BEAN1: variants seen among roughly 807,000 people sequenced by gnomAD.
The protein encoded by BEAN1 is protein BEAN1.
Under a neutral mutation model 17.7 loss-of-function variants are expected in BEAN1, and 17 were observed. The ratio of observed to expected loss-of-function variants is 0.96; its 90% CI spans 0.66 to 1.44. The LOEUF (loss-of-function observed/expected upper bound fraction) is 1.44, where lower values mean the gene tolerates loss of function less well. Ranked by LOEUF, BEAN1 falls within the 40% of genes most tolerant of loss-of-function variation. The probability of loss-of-function intolerance (pLI) is 0.00; values close to 1 mark genes in which losing one functional copy is unlikely to be tolerated. For synonymous variants in BEAN1, 142 were observed against 151.8 expected, an observed-to-expected ratio of 0.94 and a Z score of 0.47; for missense variants, 359 against 374.1, an observed-to-expected ratio of 0.96 and a Z score of 0.33.
intron 2 of BEAN1, among the ~76,000 whole-genome samples, chr16:66,446,364 G>T (rs1962456477): frequency 6.6e-6 from 1 of 152,142 alleles, no homozygotes; most frequent in Non-Finnish European, 1.5e-5. Context: ...GACAGCGTTT[G>T]GGGCTTGAAA....
At chr16:66,468,798 A>G (rs1179300715) in intron 2 of BEAN1, among the ~76,000 whole-genome samples, 1 of 152,088 alleles carries the variant, frequency 6.6e-6, no homozygotes, top group Non-Finnish European at 1.5e-5. Context: ...ACCCCTCCCC[A>G]GGACCCCAGC....
At chr16:66,438,646 G>A (rs1445126744) in intron 2 of BEAN1, among the ~76,000 whole-genome samples, 2 of 152,086 alleles carry the variant, frequency 1.3e-5, no homozygotes. Context: ...GAGTCCAAGT[G>A]ATGGAATCAG....
Position 66,477,886 on chromosome 16 carries a change from G to A in BEAN1, c.440+176G>A. 2 of 626,512 alleles carry A rather than the reference G, an allele frequency of 3.2e-6. 1 individual carries two copies. The highest frequency in any genetic ancestry group is 5.3e-5 in the South Asian group (2 of 37,744). 38.8% of individuals were successfully genotyped at this position (626,512 alleles called of 1,614,324 possible). ...TCCTGACCAAGTAGGTCCCACTGAG[G>A]CAGTGTGACTTAGCAGATATCACCT... is the stretch of plus-strand genomic sequence containing the variant. On this transcript the variant is annotated intron_variant, in intron 4 of 4. Transcript: ENST00000536005.
At chr16:66,484,578 T>C, downstream of BEAN1, 1 of 454,072 alleles carries the variant, frequency 2.2e-6, no homozygotes, top group Non-Finnish European at 4.4e-6. The surrounding 1 kb of genome is among the most constrained non-coding windows in gnomAD (Gnocchi z 4.2). Flanking sequence ...TGAAGCTGCA[T>C]CACAGGACGA....
chr16:66,456,189 C>G (rs1297665405), intron 2 of BEAN1, among the ~76,000 whole-genome samples: 1 of 152,184 alleles, frequency 6.6e-6, no homozygotes, highest in East Asian at 1.9e-4. Context: ...TTCACACAAT[C>G]CTTTGTAAAT....
chr16:66,439,796 A>G (rs1347601161), intron 2 of BEAN1, among the ~76,000 whole-genome samples: 2 of 151,810 alleles, frequency 1.3e-5, no homozygotes, highest in Non-Finnish European at 2.9e-5. Flanking sequence ...GAAGCCCCTG[A>G]CTCTGCCACC....
chr16:66,442,518 C>T (rs192954204), intron 2 of BEAN1, among the ~76,000 whole-genome samples: 75 of 152,200 alleles, frequency 4.9e-4, no homozygotes, highest in Non-Finnish European at 6.6e-4. Flanking sequence ...CTCTGCTGGG[C>T]TCATGGTGGC....
intron 2 of BEAN1, among the ~76,000 whole-genome samples, chr16:66,460,526 C>A (rs917831468): frequency 7.9e-5 from 12 of 152,208 alleles, no homozygotes; most frequent in Non-Finnish European, 1.5e-5. Context: ...ATTTGCTTCT[C>A]CCCAGGCACC....
chr16:66,488,442 A>T (rs1469261216), intron 4 of BEAN1, among the ~76,000 whole-genome samples: 1 of 144,068 alleles, frequency 6.9e-6, no homozygotes, highest in Non-Finnish European at 1.5e-5. Flanking sequence ...GCACTTTGGG[A>T]GGCAGAGGTG....
rs1349055407 is a variant in BEAN1, at chr16:66,480,570, G to A, written c.441-16G>A. On this transcript the variant is annotated splice_polypyrimidine_tract_variant and intron_variant, in intron 4 of 4. Coordinates refer to ENST00000536005, the MANE Select transcript of BEAN1 (RefSeq NM_001178020.3). Reference sequence around the variant, plus strand: ...AAGGCCTAGGTGGGGCACTGAGGGAGCCTCTTCTCTCGTAGCTACGAGGAG... The same window carrying A: ...AAGGCCTAGGTGGGGCACTGAGGGAACCTCTTCTCTCGTAGCTACGAGGAG... 18 of 1,510,478 alleles carry A rather than the reference G, an allele frequency of 1.2e-5. No individual in the cohort carries two copies. Among genetic ancestry groups the A allele is most frequent in the Middle Eastern group, 1.7e-4 (1 of 5,814 alleles). 93.6% of individuals were successfully genotyped at this position (1,510,478 alleles called of 1,614,324 possible). A position where few individuals can be genotyped will look rare whatever the true frequency, so the allele number is the denominator to read the frequency against.
chr16:66,428,024 G>A (rs117365265), intron 1 of BEAN1: 1,891 of 152,368 alleles, frequency 0.012, 24 homozygotes, highest in Non-Finnish European at 0.019. Context: ...GTCGGAGAGA[G>A]AGCGCGCCCT....
At chr16:66,446,211 G>C (rs1042202392) in intron 2 of BEAN1, among the ~76,000 whole-genome samples, 3 of 152,032 alleles carry the variant, frequency 2.0e-5, no homozygotes, top group Non-Finnish European at 2.9e-5. Context: ...AAAAAGGGGG[G>C]ACAGTGGTCT....
rs1963904998 is a variant in BEAN1, at chr16:66,479,535, TC to T, written c.441-1046del. ...GCACGACTACGAAGACAGAGGTGAT[TC>T]CCCCTCCAAACACACACACACACAT... On this transcript the variant is annotated intron_variant, in intron 4 of 4. Transcript: ENST00000536005. Among the ~76,000 whole-genome samples, 6 of 151,116 alleles carry T rather than the reference TC, an allele frequency of 4.0e-5. No homozygotes were observed. The South Asian group carries it at 1.3e-3, about 32-fold the overall frequency.
chr16:66,454,729 C>CTTTTTTTTTTTTTT (rs538469751), intron 2 of BEAN1, among the ~76,000 whole-genome samples: 611 of 82,640 alleles, frequency 7.4e-3, no homozygotes, highest in Middle Eastern at 0.013. Context: ...TTCTTTCTTT[C>CTTTTTTTTTTTTTT]TTTTTTTTTT....
Position 66,450,521 on chromosome 16 carries a change from G to A in BEAN1, c.25+12820G>A, listed in dbSNP as rs1358258929. 3.3e-5 allele frequency among the ~76,000 whole-genome samples: 5 copies of A among 152,246 alleles called. No individual in the cohort carries two copies. The East Asian group carries it at 9.7e-4, about 29-fold the overall frequency. On this transcript the variant is annotated intron_variant, in intron 2 of 4. Transcript: ENST00000536005. ...GCTTGAGGCCAGGAGTTTGAGACCAGCTTGGGCAACATAGCAAGACCCTGT... is the reference window on the plus strand; with the variant it reads ...GCTTGAGGCCAGGAGTTTGAGACCAACTTGGGCAACATAGCAAGACCCTGT...
intron 2 of BEAN1, among the ~76,000 whole-genome samples, chr16:66,459,008 G>A (rs1962980125): frequency 6.6e-6 from 1 of 152,222 alleles, no homozygotes; most frequent in South Asian, 2.1e-4. Flanking sequence ...GTCTCTGAAG[G>A]CTGCTCAGAA....
chr16:66,457,228 G>A (rs1038568985), intron 2 of BEAN1, among the ~76,000 whole-genome samples: 3 of 152,120 alleles, frequency 2.0e-5, no homozygotes, highest in Non-Finnish European at 2.9e-5. Flanking sequence ...GATGAATGAC[G>A]GATGGATGGA....
intron 2 of BEAN1, among the ~76,000 whole-genome samples, chr16:66,467,893 G>T (rs1291425460): frequency 6.6e-6 from 1 of 152,238 alleles, no homozygotes; most frequent in Non-Finnish European, 1.5e-5. Flanking sequence ...CTGCCCCAAG[G>T]GCATGTTTCT....
chr16:66,441,587 A>G (rs1348406741), intron 2 of BEAN1, among the ~76,000 whole-genome samples: 1 of 152,148 alleles, frequency 6.6e-6, no homozygotes, highest in Non-Finnish European at 1.5e-5. Flanking sequence ...ACTCCCTGCC[A>G]GGTTAGAAGA....
Sources: gnomAD v4.1 joint callset for allele counts (sites outside exome capture counted in the v4.1 genomes callset) on GRCh38, gnomAD v4.1.1 for gene constraint, Gnocchi (gnomAD v3.1) non-coding constraint, MANE v1.5 for transcripts, NCBI Gene and HGNC (gene_info 2026-07-23, HGNC 2026-07-21) for gene names.